The following CHCHD3 variants were observed in gnomAD, a reference collection of about 807,000 sequenced individuals.
The protein encoded by CHCHD3 is MICOS complex subunit MIC19.
In CHCHD3, 20 loss-of-function variants were observed where a neutral mutation model predicts 38.2. The ratio of observed to expected loss-of-function variants is 0.52; its 90% CI spans 0.37 to 0.76. The LOEUF (loss-of-function observed/expected upper bound fraction) is 0.76, where lower values mean the gene tolerates loss of function less well. Ranked by LOEUF, CHCHD3 falls within the 30% of genes least tolerant of loss-of-function variation. The pLI is 0.00. For synonymous variants in CHCHD3, 82 were observed against 100.0 expected, an observed-to-expected ratio of 0.82 and a Z score of 1.07; for missense variants, 245 against 279.2, an observed-to-expected ratio of 0.88 and a Z score of 0.87.
At chr7:133,034,878 C>T (rs1438251587) in intron 2 of CHCHD3, 2 of 1,610,078 alleles carry the variant, frequency 1.2e-6, no homozygotes, top group East Asian at 2.2e-5. Flanking sequence ...CTTGTCCAGT[C>T]GCTGGAACAT....
intron 4 of CHCHD3, among the ~76,000 whole-genome samples, chr7:132,974,630 G>A (rs1456048945): frequency 3.3e-5 from 5 of 152,116 alleles, no homozygotes; most frequent in Non-Finnish European, 7.3e-5. Flanking sequence ...AATCCCAGCA[G>A]TTTGGGAAGC....
chr7:132,799,323 C>T (rs1314768143), intron 6 of CHCHD3, among the ~76,000 whole-genome samples: 1 of 152,132 alleles, frequency 6.6e-6, no homozygotes, highest in African/African-American at 2.4e-5. Context: ...AAAACACAAG[C>T]CATGGCACCT....
chr7:132,899,295 G>A (rs1695071184), intron 4 of CHCHD3, among the ~76,000 whole-genome samples: 1 of 152,188 alleles, frequency 6.6e-6, no homozygotes, highest in Admixed American at 6.5e-5. Context: ...CAACAGGAGG[G>A]AAGGAAGGAA....
At chr7:132,998,888 T>C (rs1303012738) in intron 3 of CHCHD3, among the ~76,000 whole-genome samples, 1 of 152,122 alleles carries the variant, frequency 6.6e-6, no homozygotes, top group African/African-American at 2.4e-5. Context: ...GTCTTAAAAA[T>C]TAGCATTAAA....
intron 4 of CHCHD3, among the ~76,000 whole-genome samples, chr7:132,902,039 T>C (rs1809682801): frequency 6.6e-6 from 1 of 152,204 alleles, no homozygotes; most frequent in Non-Finnish European, 1.5e-5. Context: ...GTTTCAGCTT[T>C]CTACATATGG....
intron 2 of CHCHD3, among the ~76,000 whole-genome samples, chr7:133,062,541 G>A (rs1470269662): frequency 6.6e-6 from 1 of 152,074 alleles, no homozygotes; most frequent in Non-Finnish European, 1.5e-5. Flanking sequence ...AACAACACTT[G>A]TTCTGTGAGA....
At chr7:132,896,110 G>A (rs909266390) in intron 4 of CHCHD3, among the ~76,000 whole-genome samples, 2 of 152,192 alleles carry the variant, frequency 1.3e-5, no homozygotes, top group Non-Finnish European at 2.9e-5. Context: ...GAATTGCAAA[G>A]GCGTAAGGTA....
chr7:132,862,958 C>A (rs1037398320), intron 5 of CHCHD3, among the ~76,000 whole-genome samples: 1 of 152,180 alleles, frequency 6.6e-6, no homozygotes, highest in African/African-American at 2.4e-5. Flanking sequence ...CTATTTCCAC[C>A]ACATCTGCAA....
chr7:132,944,744 T>G (rs1320020328), intron 4 of CHCHD3, among the ~76,000 whole-genome samples: 2 of 152,036 alleles, frequency 1.3e-5, no homozygotes, highest in Non-Finnish European at 2.9e-5. Flanking sequence ...TTAACACTAG[T>G]CATCAGGAGT....
At chr7:132,927,020 C>T (rs1037604786) in intron 4 of CHCHD3, among the ~76,000 whole-genome samples, 5 of 152,152 alleles carry the variant, frequency 3.3e-5, no homozygotes, top group Admixed American at 3.3e-4. Flanking sequence ...TTATGGAATA[C>T]AGCTATGATT....
chr7:132,788,620 T>G lies in CHCHD3; in HGVS notation c.661-2960A>C, dbSNP rs1806382927. ...TCATGCTAAGAATGTTAGGCTCTCT[T>G]TCAGAAAGAGACAAGATGGGGCCTG... On this transcript the variant is annotated intron_variant, in intron 7 of 7. Coordinates refer to ENST00000262570, the MANE Select transcript of CHCHD3 (RefSeq NM_017812.4). This position sits in a 1 kb window ranked among gnomAD's most constrained non-coding sequence, Gnocchi z 4.0. Among the ~76,000 whole-genome samples, 1 of 152,200 alleles carries G rather than the reference T, an allele frequency of 6.6e-6. No individual in the cohort carries two copies. Among genetic ancestry groups the G allele is most frequent in the African/African-American group, 2.4e-5 (1 of 41,450 alleles).
intron 3 of CHCHD3, among the ~76,000 whole-genome samples, chr7:133,020,888 G>A (rs1813159463): frequency 1.3e-5 from 2 of 151,368 alleles, no homozygotes; most frequent in Non-Finnish European, 2.9e-5. Flanking sequence ...CCTTAGCCCT[G>A]GGTTTCTCAC....
At chr7:132,929,022 A>T (rs944999833) in intron 4 of CHCHD3, among the ~76,000 whole-genome samples, 12 of 152,110 alleles carry the variant, frequency 7.9e-5, no homozygotes, top group African/African-American at 2.9e-4. Flanking sequence ...ACATATTAAT[A>T]CCTTTAAGGA....
intron 5 of CHCHD3, among the ~76,000 whole-genome samples, chr7:132,838,838 T>A (rs573811751): frequency 1.4e-3 from 206 of 152,260 alleles, no homozygotes; most frequent in Non-Finnish European, 2.5e-3. Flanking sequence ...CACATTCGTA[T>A]TTATATATTA....
intron 6 of CHCHD3, chr7:132,815,568 T>C (rs977561253): frequency 6.6e-6 from 3 of 456,458 alleles, no homozygotes; most frequent in Admixed American, 2.4e-5. Flanking sequence ...CTAGGAGCCA[T>C]ACTGGGACAA....
intron 3 of CHCHD3, among the ~76,000 whole-genome samples, chr7:132,976,424 AC>A (rs1327856892): frequency 2.0e-5 from 3 of 151,988 alleles, no homozygotes; most frequent in Non-Finnish European, 4.4e-5. Context: ...ACCCACTAAA[AC>A]CCCTCATTGT....
rs189171343 is a variant in CHCHD3 at position 132,987,436 on chromosome 7, C to T, written c.252-12150G>A. Among the ~76,000 whole-genome samples, 383 of 152,148 alleles carry T rather than the reference C, an allele frequency of 2.5e-3. 5 individuals carry two copies. Among genetic ancestry groups the T allele is most frequent in the Admixed American group, 3.9e-3 (60 of 15,294 alleles). On this transcript the variant is annotated intron_variant, in intron 3 of 7. Coordinates refer to ENST00000262570, the MANE Select transcript of CHCHD3 (RefSeq NM_017812.4). ...TCATGAAAGAGATTGTGAATATAAC[C>T]AAAAAAGGTGGGAGATGAAGGGCTT...
chr7:133,015,823 G>C (rs1048240224), intron 3 of CHCHD3, among the ~76,000 whole-genome samples: 5 of 152,134 alleles, frequency 3.3e-5, no homozygotes, highest in Admixed American at 6.5e-5. Flanking sequence ...ATTAGCTCAC[G>C]GTTCTACAGG....
intron 7 of CHCHD3, among the ~76,000 whole-genome samples, chr7:132,787,832 C>T (rs1806360183): frequency 6.6e-6 from 1 of 152,142 alleles, no homozygotes. Context: ...TTAGACATAA[C>T]ACACACAGTG....
Sources: allele counts gnomAD v4.1 joint callset (sites outside exome capture counted in the v4.1 genomes callset), GRCh38; gene constraint gnomAD v4.1.1; non-coding constraint Gnocchi (gnomAD v3.1); transcripts MANE v1.5; gene names NCBI Gene and HGNC (gene_info 2026-07-23, HGNC 2026-07-21).